UBE2E1: variants seen among roughly 807,000 people sequenced by gnomAD.
The protein encoded by UBE2E1 is ubiquitin conjugating enzyme E2 E1.
UBE2E1 carries 6 observed loss-of-function variants against 21.4 expected under a neutral mutation model. The observed-to-expected ratio is 0.28, with a 90% CI of 0.15 to 0.55. UBE2E1 has a LOEUF of 0.55. Ranked by LOEUF, UBE2E1 falls within the 20% of genes least tolerant of loss-of-function variation. UBE2E1 has a pLI of 0.93. For synonymous variants in UBE2E1, 87 were observed against 82.7 expected (o/e 1.05, Z -0.28); for missense variants, 142 against 236.5 (o/e 0.60, Z 2.62).
At chr3:23,874,200 T>C (rs1700867599) in intron 3 of UBE2E1, among the ~76,000 whole-genome samples, 1 of 152,202 alleles carries the variant, frequency 6.6e-6, no homozygotes, top group South Asian at 2.1e-4. Context: ...TGTGCCAGAA[T>C]CTTTTCTTAG....
rs35613446 is a variant in UBE2E1, at chr3:23,842,195, A to AGGG, written c.203+30687_203+30689dup. ...AACTATGTCATGACCCAGTAAGTGA[A>AGGG]GGGGTGTGTGTGTGTGTGTGTGTGT... On this transcript the variant is annotated intron_variant, in intron 3 of 5. Coordinates refer to ENST00000306627, the MANE Select transcript of UBE2E1 (RefSeq NM_003341.5). This position sits in a 1 kb window ranked among gnomAD's most constrained non-coding sequence, Gnocchi z 4.6. Among the ~76,000 whole-genome samples, 374 of 39,434 alleles carry AGGG rather than the reference A, an allele frequency of 9.5e-3. No homozygotes were observed. Among genetic ancestry groups the AGGG allele is most frequent in the African/African-American group, 0.023 (319 of 13,580 alleles). 25.9% of individuals were successfully genotyped at this position (39,434 alleles called of 152,430 possible). A position where few individuals can be genotyped will look rare whatever the true frequency, so the allele number is the denominator to read the frequency against.
At chr3:23,845,085 T>C (rs1700168279) in intron 3 of UBE2E1, among the ~76,000 whole-genome samples, 1 of 152,152 alleles carries the variant, frequency 6.6e-6, no homozygotes, top group African/African-American at 2.4e-5. Flanking sequence ...ACTAGGTAGA[T>C]TAAAAGCTCA....
chr3:23,876,410 G>C lies in UBE2E1; in HGVS notation c.204-11157G>C, dbSNP rs773729714. 1.1e-4 allele frequency among the ~76,000 whole-genome samples: 16 copies of C among 152,192 alleles called. No individual in the cohort carries two copies. The highest frequency in any genetic ancestry group is 2.4e-4 in the Non-Finnish European group (16 of 68,044). ...ACTGTTTTATGAAGGGGTGCTGAGGGTAAGAATGTACCAAGTAGATCTCAT... is the reference window on the plus strand; with the variant it reads ...ACTGTTTTATGAAGGGGTGCTGAGGCTAAGAATGTACCAAGTAGATCTCAT... On this transcript the variant is annotated intron_variant, in intron 3 of 5. Coordinates refer to ENST00000306627, the MANE Select transcript of UBE2E1 (RefSeq NM_003341.5). This position sits in a 1 kb window ranked among gnomAD's most constrained non-coding sequence, Gnocchi z 4.3.
intron 3 of UBE2E1, among the ~76,000 whole-genome samples, chr3:23,815,227 C>G (rs893850372): frequency 7.2e-5 from 11 of 152,184 alleles, no homozygotes; most frequent in Admixed American, 7.2e-4. Context: ...AGCCGTCCAC[C>G]CACTTTGCCC....
rs1464764432 is a variant in UBE2E1 at position 23,870,965 on chromosome 3, C to G, written c.204-16602C>G. 1.3e-5 allele frequency among the ~76,000 whole-genome samples: 2 copies of G among 152,198 alleles called. No individual in the cohort carries two copies. Among genetic ancestry groups the G allele is most frequent in the African/African-American group, 4.8e-5 (2 of 41,440 alleles). ...TCCATTTAACCCTGAGTGGACACAG[C>G]ACATGTTTCAGAGGGCACAGGGTTG... is the stretch of plus-strand genomic sequence containing the variant. On this transcript the variant is annotated intron_variant, in intron 3 of 5. Transcript: ENST00000306627. The surrounding 1 kb of genome is among the most constrained non-coding windows in gnomAD (Gnocchi z 4.2).
chr3:23,854,231 G>A (rs1203389141), intron 3 of UBE2E1, among the ~76,000 whole-genome samples: 1 of 134,462 alleles, frequency 7.4e-6, no homozygotes, highest in East Asian at 2.2e-4. Flanking sequence ...GCAACAGAGA[G>A]AGACTCAGTC....
chr3:23,824,542 T>G (rs527606594), intron 3 of UBE2E1, among the ~76,000 whole-genome samples: 1 of 152,280 alleles, frequency 6.6e-6, no homozygotes, highest in South Asian at 2.1e-4. Flanking sequence ...TGAATGTAAG[T>G]CCCCCTCCAA....
chr3:23,844,567 A>C (rs1193489353), intron 3 of UBE2E1, among the ~76,000 whole-genome samples: 2 of 152,210 alleles, frequency 1.3e-5, no homozygotes, highest in Admixed American at 6.5e-5. Flanking sequence ...GCAGAACTGC[A>C]AGGGGATCAT....
At chr3:23,872,347 T>A (rs1170086395) in intron 3 of UBE2E1, among the ~76,000 whole-genome samples, 1 of 147,640 alleles carries the variant, frequency 6.8e-6, no homozygotes, top group Admixed American at 6.9e-5. Context: ...CGGCTCGGCA[T>A]CAGAGGGAGA....
intron 3 of UBE2E1, among the ~76,000 whole-genome samples, chr3:23,851,900 G>A (rs974663478): frequency 6.6e-6 from 1 of 152,356 alleles, no homozygotes; most frequent in African/African-American, 2.4e-5. Context: ...GGCCTGGTGG[G>A]AGGTGTTTGG....
At chr3:23,888,395 A>T (rs1338009376) in intron 4 of UBE2E1, 3 of 354,114 alleles carry the variant, frequency 8.5e-6, no homozygotes, top group Non-Finnish European at 1.7e-5. Context: ...AGTAATCGAA[A>T]GTCACTTTTT....
Position 23,879,193 on chromosome 3 carries a change from T to C in UBE2E1, c.204-8374T>C, listed in dbSNP as rs893312621. The C allele has an allele frequency of 4.6e-6, 4 of 871,938 alleles. No individual in the cohort carries two copies. In the African/African-American group the frequency reaches 5.1e-5, roughly 11 times the overall value. 54.0% of individuals were successfully genotyped at this position (871,938 alleles called of 1,614,324 possible). On this transcript the variant is annotated intron_variant, in intron 3 of 5. Coordinates refer to ENST00000306627, the MANE Select transcript of UBE2E1 (RefSeq NM_003341.5). ...TTAGTTTCTTCCATCCTTCCACATC[T>C]AGAGTCCACAACAAATACAATGCCA...
chr3:23,865,859 C>G (rs117358846), intron 3 of UBE2E1, among the ~76,000 whole-genome samples: 1 of 152,150 alleles, frequency 6.6e-6, no homozygotes, highest in Non-Finnish European at 1.5e-5. Flanking sequence ...AGGCTTGTTA[C>G]GTTTAGGTAG....
chr3:23,822,391 T>G (rs1050800455), intron 3 of UBE2E1, among the ~76,000 whole-genome samples: 8 of 151,028 alleles, frequency 5.3e-5, no homozygotes, highest in Non-Finnish European at 8.8e-5. Context: ...CAGAATTTCT[T>G]AACATAGTAT....
rs1265850827 is a variant in UBE2E1, at chr3:23,807,371, T to C, written c.102T>C (p.Ser34=). 1 of 1,612,246 alleles carries C rather than the reference T, an allele frequency of 6.2e-7. No homozygotes were observed. The highest frequency in any genetic ancestry group is 8.5e-7 in the Non-Finnish European group (1 of 1,179,368). ...KETNTPKKKE[S]KVSMSKNSKL... ...CAAACACCCCCAAGAAGAAGGAGAG[T>C]AAAGTCAGCATGAGCAAAAACTCCA... The change falls in exon 2 of 6, where the codon AGT becomes AGC. Residue 34 remains serine (S), a synonymous_variant. Transcript: ENST00000306627.
In UBE2E1 at chr3:23,816,517, G is replaced by A. The variant is rs922000210; in HGVS notation, c.203+5007G>A. On this transcript the variant is annotated intron_variant, in intron 3 of 5. Transcript: ENST00000306627. The surrounding 1 kb of genome is among the most constrained non-coding windows in gnomAD (Gnocchi z 4.8). ...GTCAGGAGATCGACACCATCGTGGC[G>A]AACACAGTGAAACCCCGTCTCTACT... Among the ~76,000 whole-genome samples, 1 of 151,940 alleles carries A rather than the reference G, an allele frequency of 6.6e-6. No homozygotes were observed. Among genetic ancestry groups the A allele is most frequent in the African/African-American group, 2.4e-5 (1 of 41,366 alleles).
At chr3:23,884,302 C>A (rs929611263) in intron 3 of UBE2E1, among the ~76,000 whole-genome samples, 1 of 152,144 alleles carries the variant, frequency 6.6e-6, no homozygotes, top group Admixed American at 6.5e-5. Flanking sequence ...AGGTGACAAA[C>A]TGTAAAATGT....
intron 5 of UBE2E1, chr3:23,889,491 G>T: frequency 7.3e-7 from 1 of 1,377,164 alleles, no homozygotes; most frequent in East Asian, 2.8e-5. Context: ...ACTGACGTAA[G>T]TTTGCCTTGG....
intron 3 of UBE2E1, among the ~76,000 whole-genome samples, chr3:23,854,150 C>T (rs1439261305): frequency 2.7e-5 from 4 of 148,232 alleles, no homozygotes; most frequent in South Asian, 2.1e-4. Context: ...CCCAGCTACT[C>T]GGGAGGCTGA....
Sources: gnomAD v4.1 joint callset for allele counts (sites outside exome capture counted in the v4.1 genomes callset) on GRCh38, gnomAD v4.1.1 for gene constraint, Gnocchi (gnomAD v3.1) non-coding constraint, MANE v1.5 for transcripts, NCBI Gene and HGNC (gene_info 2026-07-23, HGNC 2026-07-21) for gene names.